The following ADAMTSL1 variants were observed in gnomAD, a reference collection of about 807,000 sequenced individuals.
ADAMTSL1 encodes ADAMTS like 1, also known as ADAMTS-like protein 1.
In ADAMTSL1, 126 loss-of-function variants were observed where a neutral mutation model predicts 201.8. The ratio of observed to expected loss-of-function variants is 0.62; its 90% CI spans 0.54 to 0.72. The LOEUF (loss-of-function observed/expected upper bound fraction) is 0.72. Ranked by LOEUF, ADAMTSL1 falls within the 30% of genes least tolerant of loss-of-function variation. The pLI is 0.00. For synonymous variants in ADAMTSL1, 1,121 were observed against 903.4 expected, an observed-to-expected ratio of 1.24 and a Z score of -4.32; for missense variants, 2,679 against 2,277.8, an observed-to-expected ratio of 1.18 and a Z score of -3.59.
intron 1 of ADAMTSL1, among the ~76,000 whole-genome samples, chr9:18,143,704 A>C (rs1405573453): frequency 1.3e-5 from 2 of 152,164 alleles, no homozygotes; most frequent in Non-Finnish European, 2.9e-5. Flanking sequence ...CTCAAGTGCA[A>C]ATCACCTTTT....
Position 18,307,042 on chromosome 9 carries a change from A to G in ADAMTSL1, c.207+143061A>G, listed in dbSNP as rs573502812. Among the ~76,000 whole-genome samples the G allele has an allele frequency of 3.8e-3, 586 of 152,294 alleles. 3 individuals carry two copies. Among genetic ancestry groups the G allele is most frequent in the African/African-American group, 0.013 (561 of 41,572 alleles). Reference sequence around the variant, plus strand: ...AGAATAGAGTGGGGGCCAATATTCAACATTCGTAAAGAAAAGAATTTTCAA... The same window carrying G: ...AGAATAGAGTGGGGGCCAATATTCAGCATTCGTAAAGAAAAGAATTTTCAA... On this transcript the variant is annotated intron_variant, in intron 2 of 29. Transcript: ENST00000680146.
intron 4 of ADAMTSL1, among the ~76,000 whole-genome samples, chr9:18,606,500 T>C (rs957535865): frequency 6.6e-6 from 1 of 152,192 alleles, no homozygotes; most frequent in African/African-American, 2.4e-5. Flanking sequence ...GATTAGTACA[T>C]GTGGTGCTGC....
chr9:18,325,903 G>C (rs975675857), intron 2 of ADAMTSL1, among the ~76,000 whole-genome samples: 1 of 152,170 alleles, frequency 6.6e-6, no homozygotes, highest in Non-Finnish European at 1.5e-5. Flanking sequence ...ACTACGCCTG[G>C]CTAATTTTTG....
chr9:18,754,696 G>A (rs999479256), intron 16 of ADAMTSL1, among the ~76,000 whole-genome samples: 1 of 152,100 alleles, frequency 6.6e-6, no homozygotes, highest in Non-Finnish European at 1.5e-5. Flanking sequence ...GCCCATCTTG[G>A]AGCTGTGGTT....
At chr9:18,814,119 A>G (rs1823685764) in intron 20 of ADAMTSL1, among the ~76,000 whole-genome samples, 1 of 152,130 alleles carries the variant, frequency 6.6e-6, no homozygotes, top group South Asian at 2.1e-4. Context: ...TTTGGTTTGG[A>G]TTTCCCTGAA....
chr9:18,392,648 C>T (rs1838098835), intron 2 of ADAMTSL1, among the ~76,000 whole-genome samples: 1 of 152,192 alleles, frequency 6.6e-6, no homozygotes, highest in Non-Finnish European at 1.5e-5. Flanking sequence ...CCTTACACAA[C>T]ATAACCTCAA....
At chr9:18,737,371 A>G (rs1250126870) in intron 15 of ADAMTSL1, among the ~76,000 whole-genome samples, 1 of 150,588 alleles carries the variant, frequency 6.6e-6, no homozygotes, top group Non-Finnish European at 1.5e-5. Flanking sequence ...CTTCCACTCC[A>G]GAGCCCCATG....
intron 2 of ADAMTSL1, among the ~76,000 whole-genome samples, chr9:18,374,684 A>C (rs950351068): frequency 4.6e-5 from 7 of 152,180 alleles, no homozygotes; most frequent in African/African-American, 1.4e-4. Flanking sequence ...TACAAAACAC[A>C]CTTACTCCTT....
intron 2 of ADAMTSL1, among the ~76,000 whole-genome samples, chr9:18,399,327 A>ATT (rs1386469340): frequency 1.3e-4 from 15 of 113,070 alleles, no homozygotes; most frequent in African/African-American, 5.4e-4. Flanking sequence ...ATATATATAT[A>ATT]TAAAATTATT....
At chr9:18,833,770 A>G (rs976943790) in intron 23 of ADAMTSL1, among the ~76,000 whole-genome samples, 4 of 152,108 alleles carry the variant, frequency 2.6e-5, no homozygotes, top group African/African-American at 9.7e-5. Context: ...GCCCATGCCT[A>G]TGTTCTGAAT....
intron 23 of ADAMTSL1, among the ~76,000 whole-genome samples, chr9:18,835,451 G>A (rs767935443): frequency 1.3e-5 from 2 of 152,078 alleles, no homozygotes; most frequent in African/African-American, 2.4e-5. Context: ...CTTACAAAGA[G>A]TAGAAGATTT....
intron 23 of ADAMTSL1, among the ~76,000 whole-genome samples, chr9:18,845,460 A>G (rs1826044848): frequency 6.6e-6 from 1 of 152,254 alleles, no homozygotes; most frequent in African/African-American, 2.4e-5. Context: ...ACATGGTGGC[A>G]CCAACATGCT....
intron 20 of ADAMTSL1, among the ~76,000 whole-genome samples, chr9:18,813,304 T>A (rs1823631038): frequency 6.6e-6 from 1 of 152,186 alleles, no homozygotes; most frequent in Non-Finnish European, 1.5e-5. Flanking sequence ...TTTGGCTATT[T>A]GGGGTATTTT....
chr9:18,418,016 T>A (rs1818762253), intron 2 of ADAMTSL1, among the ~76,000 whole-genome samples: 2 of 152,174 alleles, frequency 1.3e-5, no homozygotes, highest in Non-Finnish European at 2.9e-5. Flanking sequence ...CAAGAGCAGC[T>A]TATACTGGAA....
chr9:18,007,297 G>C (rs1238741854), intron 1 of ADAMTSL1, among the ~76,000 whole-genome samples: 3 of 152,014 alleles, frequency 2.0e-5, no homozygotes, highest in Non-Finnish European at 2.9e-5. Flanking sequence ...ATAACTAGCT[G>C]TGAAGAGGAC....
chr9:17,956,782 TG>T (rs1827949032), intron 1 of ADAMTSL1, among the ~76,000 whole-genome samples: 1 of 152,200 alleles, frequency 6.6e-6, no homozygotes, highest in Non-Finnish European at 1.5e-5. Flanking sequence ...CTGACTCAGA[TG>T]TATAAGAAGT....
chr9:18,867,874 C>T (rs943560692), intron 23 of ADAMTSL1, among the ~76,000 whole-genome samples: 19 of 152,200 alleles, frequency 1.2e-4, no homozygotes, highest in Non-Finnish European at 2.2e-4. Flanking sequence ...GATCCACCCA[C>T]CTCTGCCTCC....
intron 1 of ADAMTSL1, among the ~76,000 whole-genome samples, chr9:18,138,002 G>T (rs560892751): frequency 1.3e-5 from 2 of 152,242 alleles, no homozygotes; most frequent in African/African-American, 2.4e-5. Flanking sequence ...CTCTCCAGAA[G>T]CCCTGAGATG....
intron 1 of ADAMTSL1, among the ~76,000 whole-genome samples, chr9:18,036,579 C>G (rs1287226875): frequency 6.6e-6 from 1 of 152,158 alleles, no homozygotes; most frequent in African/African-American, 2.4e-5. Flanking sequence ...AAGTAATACT[C>G]AGATCTTGCT....
Sources: allele counts gnomAD v4.1 joint callset (sites outside exome capture counted in the v4.1 genomes callset), GRCh38; gene constraint gnomAD v4.1.1; transcripts MANE v1.5; gene names NCBI Gene and HGNC (gene_info 2026-07-23, HGNC 2026-07-21).